Variants in NAA50 observed in about 807,000 individuals in gnomAD.
NAA50 encodes N-alpha-acetyltransferase 50, NatE catalytic subunit.
In NAA50, 7 loss-of-function variants were observed where a neutral mutation model predicts 20.7. The observed-to-expected ratio is 0.34, with a 90% CI of 0.19 to 0.63. The LOEUF (loss-of-function observed/expected upper bound fraction) is 0.63, where lower values mean the gene tolerates loss of function less well. Ranked by LOEUF, NAA50 falls within the 30% of genes least tolerant of loss-of-function variation. The pLI is 0.75. For synonymous variants in NAA50, 54 were observed against 70.6 expected (o/e 0.77, Z 1.18); for missense variants, 111 against 199.1 (o/e 0.56, Z 2.66).
chr3:113,721,653 G>C lies in NAA50; in HGVS notation c.*107C>G. The C allele has an allele frequency of 1.8e-6, 2 of 1,136,842 alleles. No individual in the cohort carries two copies. Among genetic ancestry groups the C allele is most frequent in the South Asian group, 2.7e-5 (2 of 74,112 alleles). The allele number at this position is 1,136,842 out of a possible 1,614,324, so 70.4% of individuals were successfully genotyped here. A position where few individuals can be genotyped will look rare whatever the true frequency, so the allele number is the denominator to read the frequency against. ...AAGGAAGAAAGAAAAACAAGAACAA[G>C]GAGGGAGAAAAGCTTTAAAAGAAAA... On this transcript the variant is annotated 3_prime_UTR_variant, in exon 5 of 5. Coordinates refer to ENST00000240922, the MANE Select transcript of NAA50 (RefSeq NM_025146.4).
chr3:113,728,982 C>A (rs1458146347), intron 1 of NAA50, among the ~76,000 whole-genome samples: 8 of 151,628 alleles, frequency 5.3e-5, no homozygotes, highest in Non-Finnish European at 8.8e-5. Flanking sequence ...ACACTTTTTT[C>A]CTTTTCTTTT....
rs1290850680 is a variant in NAA50, at chr3:113,746,209, C to G, written c.-260G>C. On this transcript the variant is annotated 5_prime_UTR_variant, in exon 1 of 5. Transcript: ENST00000240922. ...CTCGGGTCTCTCGGCTCCCTCCCGC[C>G]GCTGCCGCCAGCCAGACCCGCTGCC... 3 of 495,124 alleles carry G rather than the reference C, an allele frequency of 6.1e-6. No individual in the cohort carries two copies. The highest frequency in any genetic ancestry group is 1.1e-5 in the Non-Finnish European group (3 of 281,762). 30.7% of individuals were successfully genotyped at this position (495,124 alleles called of 1,614,324 possible).
chr3:113,745,401 G>A (rs761274706), intron 1 of NAA50, among the ~76,000 whole-genome samples: 4 of 152,004 alleles, frequency 2.6e-5, no homozygotes, highest in Non-Finnish European at 5.9e-5. Context: ...CACTCGCTGT[G>A]ACCCAACCCA....
intron 1 of NAA50, among the ~76,000 whole-genome samples, chr3:113,740,119 A>C (rs1708395015): frequency 6.6e-6 from 1 of 152,160 alleles, no homozygotes; most frequent in African/African-American, 2.4e-5. Context: ...TTTTTCATTC[A>C]AGTTTAGCAT....
At chr3:113,737,305 G>A (rs1028574116) in intron 1 of NAA50, among the ~76,000 whole-genome samples, 10 of 152,164 alleles carry the variant, frequency 6.6e-5, no homozygotes, top group African/African-American at 2.2e-4. Context: ...GGTTAGAAGG[G>A]AGGTAATTTT....
At position 113,733,017 on chromosome 3, in the gene NAA50, A is replaced by AC. The variant is rs1708290721; in HGVS notation, c.9-8923_9-8922insG. Among the ~76,000 whole-genome samples, 3 of 140,744 alleles carry AC rather than the reference A, an allele frequency of 2.1e-5. No individual in the cohort carries two copies. The South Asian group carries it at 6.7e-4, about 31-fold the overall frequency. The allele number at this position is 140,744 out of a possible 152,430, so 92.3% of individuals were successfully genotyped here. ...GTATGTTTTTGTATGGCTATTAGCC[A>AC]TTTTTTTTTTTTTTTGTAAAATCAC... On this transcript the variant is annotated intron_variant, in intron 1 of 4. Transcript: ENST00000240922.
At chr3:113,744,466 TAAA>T (rs565340033) in intron 1 of NAA50, among the ~76,000 whole-genome samples, 1 of 141,894 alleles carries the variant, frequency 7.0e-6, no homozygotes, top group African/African-American at 2.6e-5. Context: ...CCTGCCTCAT[TAAA>T]AAAAAAAAAA....
At chr3:113,743,638 T>G (rs1028256228) in intron 1 of NAA50, among the ~76,000 whole-genome samples, 2 of 152,210 alleles carry the variant, frequency 1.3e-5, no homozygotes, top group African/African-American at 4.8e-5. Context: ...GGGAGTTAGT[T>G]CATTTGTTAA....
intron 2 of NAA50, 127 bp from the exon 3 acceptor site, chr3:113,723,668 T>C: frequency 8.6e-7 from 1 of 1,161,556 alleles, no homozygotes; most frequent in South Asian, 1.8e-5. Context: ...TGAATATCAA[T>C]GATCTCAAAG....
At chr3:113,734,427 C>T (rs765493039) in intron 1 of NAA50, among the ~76,000 whole-genome samples, 10 of 152,038 alleles carry the variant, frequency 6.6e-5, no homozygotes, top group South Asian at 2.1e-4. Flanking sequence ...CGTAACAAAC[C>T]GGTACATGTA....
chr3:113,724,175 C>CT, intron 1 of NAA50, 80 bp from the exon 2 acceptor site: 1 of 1,314,978 alleles, frequency 7.6e-7, no homozygotes, highest in Non-Finnish European at 9.9e-7. Context: ...GGTACCAAGT[C>CT]TTTTTTACAT....
intron 1 of NAA50, among the ~76,000 whole-genome samples, chr3:113,726,715 G>A (rs1279364341): frequency 4.0e-5 from 6 of 150,946 alleles, no homozygotes. Flanking sequence ...CTGTACTCCA[G>A]CCTGGGCGAG....
chr3:113,733,609 T>A (rs1460047608), intron 1 of NAA50, among the ~76,000 whole-genome samples: 3 of 151,990 alleles, frequency 2.0e-5, no homozygotes, highest in African/African-American at 7.2e-5. Context: ...CCCAGCACTT[T>A]GGGCGGCTGA....
Position 113,719,286 on chromosome 3 carries a change from C to T in NAA50, c.*2474G>A, listed in dbSNP as rs908161086. On this transcript the variant is annotated 3_prime_UTR_variant, in exon 5 of 5. Coordinates refer to ENST00000240922, the MANE Select transcript of NAA50 (RefSeq NM_025146.4). The stretch of plus-strand genomic sequence containing the variant: ...TATTGCATAGATTTCTCTACAGATT[C>T]TTTGCTTTAAAACCTAAATGCAACT... 6.6e-6 allele frequency: 1 copy of T among 152,598 alleles called. No individual in the cohort carries two copies. Among genetic ancestry groups the T allele is most frequent in the East Asian group, 1.9e-4 (1 of 5,200 alleles). 9.5% of individuals were successfully genotyped at this position (152,598 alleles called of 1,614,324 possible).
chr3:113,718,271 C>A lies in NAA50; in HGVS notation c.*3489G>T, dbSNP rs891584720. On this transcript the variant is annotated 3_prime_UTR_variant, in exon 5 of 5. Transcript: ENST00000240922. ...TAAGCAAGACATCTTGGAAATGGCT[C>A]CTCTAGCCTTGTCAAGCTTCAAGAT... 1.3e-5 allele frequency: 2 copies of A among 152,166 alleles called. No individual in the cohort carries two copies. Among genetic ancestry groups the A allele is most frequent in the African/African-American group, 4.8e-5 (2 of 41,426 alleles). 9.4% of individuals were successfully genotyped at this position (152,166 alleles called of 1,614,324 possible). A position where few individuals can be genotyped will look rare whatever the true frequency, so the allele number is the denominator to read the frequency against.
At chr3:113,744,456 C>A (rs1163840080) in intron 1 of NAA50, among the ~76,000 whole-genome samples, 3 of 151,166 alleles carry the variant, frequency 2.0e-5, no homozygotes, top group Non-Finnish European at 2.9e-5. Flanking sequence ...AGAGCCAGAC[C>A]CTGCCTCATT....
At chr3:113,732,087 C>T (rs1257960060) in intron 1 of NAA50, among the ~76,000 whole-genome samples, 1 of 152,140 alleles carries the variant, frequency 6.6e-6, no homozygotes, top group African/African-American at 2.4e-5. Context: ...ATGTACATGT[C>T]ATAATCCCAG....
intron 1 of NAA50, among the ~76,000 whole-genome samples, chr3:113,741,746 T>C (rs1166844119): frequency 6.6e-6 from 1 of 152,236 alleles, no homozygotes; most frequent in Non-Finnish European, 1.5e-5. Context: ...AAAGTATTGA[T>C]TATTCTTTGT....
chr3:113,722,335 G>GT (rs1262588271), intron 4 of NAA50, among the ~76,000 whole-genome samples: 1 of 151,974 alleles, frequency 6.6e-6, no homozygotes, highest in Non-Finnish European at 1.5e-5. Context: ...AAAATACATG[G>GT]TATGTTTTAA....
Sources: allele counts gnomAD v4.1 joint callset (sites outside exome capture counted in the v4.1 genomes callset), GRCh38; gene constraint gnomAD v4.1.1; transcripts MANE v1.5; gene names NCBI Gene and HGNC (gene_info 2026-07-23, HGNC 2026-07-21).